The following ANKRD42 variants were observed in gnomAD, a reference collection of about 807,000 sequenced individuals.
ANKRD42 encodes the protein ankyrin repeat domain 42, also known as ankyrin repeat domain-containing protein 42.
ANKRD42 carries 43 observed loss-of-function variants against 51.5 expected under a neutral mutation model. That is an observed-to-expected ratio of 0.83 (90% CI 0.65 to 1.08). The LOEUF is 1.08. Ranked by LOEUF, ANKRD42 falls within the 50% of genes least tolerant of loss-of-function variation. The pLI is 0.00. For synonymous variants in ANKRD42, 203 were observed against 213.0 expected (o/e 0.95, Z 0.41); for missense variants, 608 against 629.3 (o/e 0.97, Z 0.36).
In ANKRD42 at chr11:83,194,542, C is replaced by T. The variant is rs757316444; in HGVS notation, c.-129C>T. 1.2e-6 allele frequency: 1 copy of T among 868,812 alleles called. No homozygotes were observed. The highest frequency in any genetic ancestry group is 1.9e-6 in the Non-Finnish European group (1 of 527,514). The allele number at this position is 868,812 out of a possible 1,614,324, so 53.8% of individuals were successfully genotyped here. ...GGAGAGAGCAAGAGAGGACCTTGGG[C>T]CCCGTCCTAGTGACGACGGAGAAGA... is the stretch of plus-strand genomic sequence containing the variant. On this transcript the variant is annotated 5_prime_UTR_variant, in exon 1 of 11. Coordinates refer to ENST00000533342, the MANE Select transcript of ANKRD42 (RefSeq NM_001300975.2).
Position 83,248,064 on chromosome 11 carries a change from C to A in ANKRD42, c.1444C>A (p.Gln482Lys), listed in dbSNP as rs1254814563. ...DQLRETLEKI[Q>K]VPNFVAMVGV... The stretch of plus-strand genomic sequence containing the variant: ...ACTCAGGGAAACACTGGAAAAAATT[C>A]AAGTCCCAAACTTTGTGGCTATGGT... The change falls in exon 11 of 11, where the codon CAA becomes AAA. Residue 482 changes from glutamine (Q) to lysine (K), a missense_variant. Gln to Lys is a moderately conservative substitution (Grantham distance 53). Transcript: ENST00000533342. 1 of 1,591,592 alleles carries A rather than the reference C, an allele frequency of 6.3e-7. No individual in the cohort carries two copies. The highest frequency in any genetic ancestry group is 8.6e-7 in the Non-Finnish European group (1 of 1,168,436).
intron 3 of ANKRD42, chr11:83,209,465 G>C (rs753740475): frequency 6.9e-7 from 1 of 1,445,878 alleles, no homozygotes; most frequent in South Asian, 1.1e-5. Context: ...TCGACATGTC[G>C]TGCTGCCCAA....
chr11:83,254,150 G>T (rs963647194), intron 11 of ANKRD42, among the ~76,000 whole-genome samples: 1 of 151,646 alleles, frequency 6.6e-6, no homozygotes, highest in South Asian at 2.1e-4. Context: ...AAATTTTTTT[G>T]TATTTTTTTG....
downstream of ANKRD42, among the ~76,000 whole-genome samples, chr11:83,264,176 A>G (rs894889343): frequency 1.4e-4 from 21 of 152,292 alleles, no homozygotes; most frequent in Admixed American, 1.2e-3. Context: ...ATAATAAAAA[A>G]CTGAAGGGAG....
intron 1 of ANKRD42, among the ~76,000 whole-genome samples, chr11:83,196,479 G>C (rs1861662321): frequency 6.6e-6 from 1 of 151,740 alleles, no homozygotes; most frequent in Admixed American, 6.6e-5. Context: ...CCTACTCACT[G>C]CTCCTACTTG....
At chr11:83,257,270 G>A (rs1472775461), downstream of ANKRD42, 2 of 455,682 alleles carry the variant, frequency 4.4e-6, no homozygotes, top group South Asian at 3.1e-5. Context: ...ATGGTGAGAG[G>A]GCTCCTGCCA....
At chr11:83,255,947 C>T (rs1250625000) in exon 12 of ANKRD42, 5 of 1,496,206 alleles carry the variant, frequency 3.3e-6, no homozygotes, top group Non-Finnish European at 4.4e-6. Context: ...AGTGAAATAA[C>T]TAAATTGACC....
At chr11:83,209,394 C>T (rs1054073775) in intron 3 of ANKRD42, 70 of 1,562,792 alleles carry the variant, frequency 4.5e-5, no homozygotes, top group Middle Eastern at 4.6e-4. Context: ...GCAAACCGAG[C>T]GATCATGTCG....
chr11:83,201,266 T>G (rs1225779022), intron 2 of ANKRD42, among the ~76,000 whole-genome samples: 1 of 152,202 alleles, frequency 6.6e-6, no homozygotes, highest in Non-Finnish European at 1.5e-5. Context: ...TTTCTGTTCC[T>G]GTGTTAGTTT....
intron 5 of ANKRD42, among the ~76,000 whole-genome samples, chr11:83,220,147 C>T (rs376456090): frequency 5.3e-5 from 8 of 152,284 alleles, no homozygotes; most frequent in South Asian, 4.1e-4. Context: ...CTAAGACGTC[C>T]GCTGAGCACT....
chr11:83,209,435 G>C (rs756114128), intron 3 of ANKRD42: 2 of 1,591,306 alleles, frequency 1.3e-6, no homozygotes, highest in Non-Finnish European at 1.7e-6. Context: ...AGACAAATAC[G>C]ACGACGAGGA....
At chr11:83,253,549 A>G (rs1863711084), downstream of ANKRD42, among the ~76,000 whole-genome samples, 1 of 152,178 alleles carries the variant, frequency 6.6e-6, no homozygotes, top group Non-Finnish European at 1.5e-5. Flanking sequence ...TTTTCCCCAC[A>G]AGGATTTTTG....
chr11:83,198,405 TA>T, intron 1 of ANKRD42, 73 bp from the exon 2 acceptor site: 3 of 1,427,804 alleles, frequency 2.1e-6, no homozygotes, highest in Non-Finnish European at 2.8e-6. Flanking sequence ...TGCTTTCTGT[TA>T]TATCACTGTT....
chr11:83,212,980 T>G (rs1353784642), intron 5 of ANKRD42: 2 of 1,595,436 alleles, frequency 1.3e-6, no homozygotes, highest in East Asian at 2.2e-5. Flanking sequence ...CCTACGGAGG[T>G]GGCAGCCATC....
Position 83,224,850 on chromosome 11 carries a change from T to G in ANKRD42, c.587-5T>G. On this transcript the variant is annotated splice_region_variant and splice_polypyrimidine_tract_variant and intron_variant, in intron 5 of 10. Coordinates refer to ENST00000533342, the MANE Select transcript of ANKRD42 (RefSeq NM_001300975.2). Reference sequence around the variant, plus strand: ...ATTAAATTAATTTTTTTTCCTTTCCTCTAGTTCACTTAGCAGCCATGGAAG... The same window carrying G: ...ATTAAATTAATTTTTTTTCCTTTCCGCTAGTTCACTTAGCAGCCATGGAAG... 6.3e-7 allele frequency: 1 copy of G among 1,579,756 alleles called. No homozygotes were observed. The highest frequency in any genetic ancestry group is 2.3e-5 in the East Asian group (1 of 44,056).
downstream of ANKRD42, among the ~76,000 whole-genome samples, chr11:83,258,349 A>C (rs911658418): frequency 1.3e-5 from 2 of 151,960 alleles, no homozygotes; most frequent in South Asian, 2.1e-4. Flanking sequence ...AATGAAACAA[A>C]AAAAAAAGGT....
chr11:83,257,201 A>G, downstream of ANKRD42: 1 of 400,900 alleles, frequency 2.5e-6, no homozygotes, highest in East Asian at 7.4e-5. Context: ...CTAGGTCAAA[A>G]TGGCTTTAGT....
downstream of ANKRD42, chr11:83,257,283 G>A (rs1591018415): frequency 8.8e-6 from 4 of 455,872 alleles, no homozygotes; most frequent in Non-Finnish European, 1.8e-5. Flanking sequence ...TCCTGCCAGG[G>A]AAGCCCAAAA....
At chr11:83,221,747 C>G (rs1378527020) in intron 5 of ANKRD42, among the ~76,000 whole-genome samples, 3 of 152,122 alleles carry the variant, frequency 2.0e-5, no homozygotes, top group African/African-American at 7.2e-5. Flanking sequence ...CCCAGGGGAC[C>G]TGTGGAAAGA....
Sources: gnomAD v4.1 joint callset for allele counts (sites outside exome capture counted in the v4.1 genomes callset) on GRCh38, gnomAD v4.1.1 for gene constraint, MANE v1.5 for transcripts, NCBI Gene and HGNC (gene_info 2026-07-23, HGNC 2026-07-21) for gene names.